The following ITGB5 variants were observed in gnomAD, a reference collection of about 807,000 sequenced individuals.
ITGB5 encodes integrin subunit beta 5.
A neutral mutation model predicts 84.8 loss-of-function variants in ITGB5; 38 were observed. The ratio of observed to expected loss-of-function variants is 0.45; its 90% CI spans 0.35 to 0.59. ITGB5 has a LOEUF of 0.59. Among genes scored for constraint, ITGB5 ranks in the 20% least tolerant of loss-of-function variants. The pLI, the probability that ITGB5 is intolerant of heterozygous loss-of-function variation, is 0.01. For synonymous variants in ITGB5, 393 were observed against 414.4 expected (o/e 0.95, Z 0.63); for missense variants, 905 against 1,034.5 (o/e 0.87, Z 1.72).
At chr3:124,868,091 C>T (rs931569226) in intron 2 of ITGB5, among the ~76,000 whole-genome samples, 1 of 152,148 alleles carries the variant, frequency 6.6e-6, no homozygotes, top group African/African-American at 2.4e-5. Context: ...CTTCCTGACA[C>T]CTTGTGAAGA....
At chr3:124,877,408 G>GA (rs943326311) in intron 1 of ITGB5, among the ~76,000 whole-genome samples, 5 of 151,762 alleles carry the variant, frequency 3.3e-5, no homozygotes, top group East Asian at 1.9e-4. Flanking sequence ...ATCTGCAGGG[G>GA]AAAAAAAATA....
chr3:124,821,562 A>G, intron 5 of ITGB5, 88 bp from the exon 6 acceptor site: 1 of 1,426,776 alleles, frequency 7.0e-7, no homozygotes, highest in Non-Finnish European at 9.7e-7. Context: ...TCCAGGAGTC[A>G]CGGCCTGAAT....
In ITGB5 at chr3:124,764,563, G is replaced by A. The variant is rs1322339904; in HGVS notation, c.2138-6C>T. ...GTTGGGGGTGTTTCCACACTCTGGG[G>A]GGACCAGAAGCATGGTAAGCAAAGC... On this transcript the variant is annotated splice_polypyrimidine_tract_variant and splice_region_variant and intron_variant, in intron 13 of 14. Coordinates refer to ENST00000296181, the MANE Select transcript of ITGB5 (RefSeq NM_002213.5). 2 of 1,598,308 alleles carry A rather than the reference G, an allele frequency of 1.3e-6. No individual in the cohort carries two copies. Among genetic ancestry groups the A allele is most frequent in the East Asian group, 2.3e-5 (1 of 44,426 alleles).
At chr3:124,842,335 C>T (rs2065021836) in intron 4 of ITGB5, among the ~76,000 whole-genome samples, 2 of 152,212 alleles carry the variant, frequency 1.3e-5, no homozygotes, top group Admixed American at 1.3e-4. Flanking sequence ...GTGGAGACTC[C>T]AAGTGGCCCT....
intron 5 of ITGB5, among the ~76,000 whole-genome samples, chr3:124,822,293 C>T (rs1224769837): frequency 6.6e-6 from 1 of 152,154 alleles, no homozygotes; most frequent in African/African-American, 2.4e-5. Context: ...GATATGGTCG[C>T]CTTCATAGTA....
At chr3:124,803,372 C>G (rs2064345296) in intron 9 of ITGB5, among the ~76,000 whole-genome samples, 1 of 152,096 alleles carries the variant, frequency 6.6e-6, no homozygotes, top group Non-Finnish European at 1.5e-5. Flanking sequence ...CACTTTGAGT[C>G]TCAGTTTTTC....
At chr3:124,851,637 A>ACACACACACACACACG (rs2065157276) in intron 3 of ITGB5, among the ~76,000 whole-genome samples, 1 of 151,660 alleles carries the variant, frequency 6.6e-6, no homozygotes, top group African/African-American at 2.4e-5. Flanking sequence ...ACACACACAC[A>ACACACACACACACACG]CACACGCACA....
At chr3:124,775,282 G>A (rs2063908837) in intron 10 of ITGB5, among the ~76,000 whole-genome samples, 3 of 151,058 alleles carry the variant, frequency 2.0e-5, no homozygotes, top group South Asian at 4.2e-4. Flanking sequence ...GTATGTTTGT[G>A]AGTGGGTGCA....
intron 5 of ITGB5, among the ~76,000 whole-genome samples, chr3:124,822,621 T>C (rs1001651964): frequency 1.3e-5 from 2 of 152,102 alleles, no homozygotes; most frequent in Non-Finnish European, 2.9e-5. Context: ...GAAAAGAAGT[T>C]TGAAAAGAAG....
intron 10 of ITGB5, chr3:124,791,402 T>C (rs2064148332): frequency 6.6e-6 from 1 of 152,212 alleles, no homozygotes; most frequent in South Asian, 2.1e-4. Flanking sequence ...TTCCAGACCT[T>C]AGTCGGATTT....
intron 10 of ITGB5, chr3:124,793,000 G>T (rs911618500): frequency 2.6e-5 from 4 of 152,008 alleles, no homozygotes; most frequent in African/African-American, 9.7e-5. Flanking sequence ...TGTACTCAGA[G>T]AAATGCCCAG....
intron 1 of ITGB5, among the ~76,000 whole-genome samples, chr3:124,885,381 TG>T (rs1934757518): frequency 1.3e-5 from 2 of 152,180 alleles, no homozygotes; most frequent in South Asian, 4.1e-4. Context: ...TGGCAGTTTC[TG>T]AACTTTTGGA....
chr3:124,844,947 G>GA (rs1017616742), intron 4 of ITGB5, among the ~76,000 whole-genome samples: 37 of 152,282 alleles, frequency 2.4e-4, no homozygotes, highest in African/African-American at 8.2e-4. Context: ...GGTGAACCTG[G>GA]AGATTCTCGA....
chr3:124,897,501 T>G (rs1055366901), intron 1 of ITGB5, among the ~76,000 whole-genome samples: 1 of 152,178 alleles, frequency 6.6e-6, no homozygotes, highest in African/African-American at 2.4e-5. Flanking sequence ...GACTTATTAC[T>G]CAACTCCCTG....
intron 8 of ITGB5, among the ~76,000 whole-genome samples, chr3:124,810,001 A>G (rs1428843952): frequency 2.0e-5 from 3 of 152,200 alleles, no homozygotes; most frequent in African/African-American, 7.2e-5. Flanking sequence ...ACCCAGGATT[A>G]TATCCAACAG....
At chr3:124,797,246 G>A (rs563034260) in intron 9 of ITGB5, among the ~76,000 whole-genome samples, 4 of 152,292 alleles carry the variant, frequency 2.6e-5, no homozygotes, top group South Asian at 4.2e-4. Flanking sequence ...TTTCCTGGGC[G>A]CTGCCTCTGT....
intron 11 of ITGB5, among the ~76,000 whole-genome samples, chr3:124,773,367 AGAAGGTGCTATTTTT>A (rs2063875946): frequency 6.6e-6 from 1 of 152,230 alleles, no homozygotes. Flanking sequence ...CAAGGCTCTG[AGAAGGTGCTATTTTT>A]GGTACCAACA....
intron 5 of ITGB5, among the ~76,000 whole-genome samples, chr3:124,823,756 G>A (rs374425062): frequency 4.1e-4 from 62 of 152,050 alleles, no homozygotes; most frequent in African/African-American, 1.4e-3. Flanking sequence ...GTGGAAAAGA[G>A]GGAGCCAGAT....
At chr3:124,814,285 C>T (rs2064550552) in intron 8 of ITGB5, among the ~76,000 whole-genome samples, 1 of 151,652 alleles carries the variant, frequency 6.6e-6, no homozygotes, top group South Asian at 2.1e-4. Flanking sequence ...TAAATTTCAC[C>T]TGAAGGGAGG....
Sources: allele counts gnomAD v4.1 joint callset (sites outside exome capture counted in the v4.1 genomes callset), GRCh38; gene constraint gnomAD v4.1.1; transcripts MANE v1.5; gene names NCBI Gene and HGNC (gene_info 2026-07-23, HGNC 2026-07-21).